CSMD1: variants seen among roughly 807,000 people sequenced by gnomAD.
The protein encoded by CSMD1 is CUB and Sushi multiple domains 1, also known as CUB and sushi domain-containing protein 1.
Under a neutral mutation model 417.5 loss-of-function variants are expected in CSMD1, and 213 were observed. The observed-to-expected ratio is 0.51, with a 90% CI of 0.46 to 0.57. The LOEUF (loss-of-function observed/expected upper bound fraction) is 0.57, where lower values mean the gene tolerates loss of function less well. Ranked by LOEUF, CSMD1 falls within the 20% of genes least tolerant of loss-of-function variation. The pLI is 0.00. For missense variants in CSMD1, 6,923 were observed against 4,529.7 expected, an observed-to-expected ratio of 1.53 and a Z score of -15.17; for synonymous variants, 2,862 against 1,736.8, an observed-to-expected ratio of 1.65 and a Z score of -16.11.
In CSMD1 at chr8:4,211,181, G is replaced by A. The variant is rs1039280277; in HGVS notation, c.416-179082C>T. On this transcript the variant is annotated intron_variant, in intron 3 of 69. Transcript: ENST00000635120. ...ATCCAGGAAAAACATCCTTGTACATGTATTTCAGGGAAAGTCATTTGCCTT... is the reference window on the plus strand; with the variant it reads ...ATCCAGGAAAAACATCCTTGTACATATATTTCAGGGAAAGTCATTTGCCTT... Among the ~76,000 whole-genome samples the A allele has an allele frequency of 6.0e-5, 9 of 149,948 alleles. No individual in the cohort carries two copies. In the South Asian group the frequency reaches 1.5e-3, roughly 24 times the overall value.
intron 5 of CSMD1, among the ~76,000 whole-genome samples, chr8:3,914,200 G>A (rs1018326151): frequency 3.3e-5 from 5 of 152,080 alleles, no homozygotes; most frequent in African/African-American, 9.7e-5. Context: ...CCCAAAAAGA[G>A]GTAAGTAACT....
chr8:3,531,926 T>A (rs1797998879), intron 10 of CSMD1, among the ~76,000 whole-genome samples: 1 of 152,130 alleles, frequency 6.6e-6, no homozygotes, highest in African/African-American at 2.4e-5. Flanking sequence ...ATGAGCAACA[T>A]GCAGTAGCTT....
rs191607708 is a variant in CSMD1 at position 3,202,998 on chromosome 8, C to T, written c.4985-1273G>A. ...CTTGCTCATACCATCCTCACCCACCCACCACCTCCCCAAGTTCATTAGATT... is the reference window on the plus strand; with the variant it reads ...CTTGCTCATACCATCCTCACCCACCTACCACCTCCCCAAGTTCATTAGATT... On this transcript the variant is annotated intron_variant, in intron 31 of 69. Coordinates refer to ENST00000635120, the MANE Select transcript of CSMD1 (RefSeq NM_033225.6). 3.3e-5 allele frequency among the ~76,000 whole-genome samples: 5 copies of T among 152,210 alleles called. No individual in the cohort carries two copies. In the East Asian group the frequency reaches 5.8e-4, roughly 18 times the overall value.
At chr8:3,774,993 C>T (rs1384044697) in intron 5 of CSMD1, among the ~76,000 whole-genome samples, 2 of 151,976 alleles carry the variant, frequency 1.3e-5, no homozygotes, top group East Asian at 1.9e-4. Context: ...AGGGGCGATT[C>T]CCACTCCCGG....
chr8:4,600,845 C>T (rs1443347364), intron 2 of CSMD1, among the ~76,000 whole-genome samples: 2 of 152,014 alleles, frequency 1.3e-5, no homozygotes, highest in Admixed American at 6.6e-5. Flanking sequence ...AGAAGATATT[C>T]TGACTTTAAA....
intron 62 of CSMD1, among the ~76,000 whole-genome samples, chr8:2,960,235 G>T (rs1803339539): frequency 6.6e-6 from 1 of 152,116 alleles, no homozygotes; most frequent in South Asian, 2.1e-4. Flanking sequence ...CAATATTTGA[G>T]ACATAATAGA....
chr8:4,807,152 G>A (rs1320428644), intron 1 of CSMD1, among the ~76,000 whole-genome samples: 1 of 152,078 alleles, frequency 6.6e-6, no homozygotes. Flanking sequence ...GAGTAATTTA[G>A]GACTGTGATT....
intron 5 of CSMD1, among the ~76,000 whole-genome samples, chr8:3,902,576 G>A (rs1234808272): frequency 1.3e-5 from 2 of 152,060 alleles, no homozygotes; most frequent in East Asian, 3.9e-4. Flanking sequence ...TCAGTTCACA[G>A]TAGGGTTCAC....
At chr8:4,377,031 C>T (rs1802793666) in intron 3 of CSMD1, among the ~76,000 whole-genome samples, 1 of 152,198 alleles carries the variant, frequency 6.6e-6, no homozygotes, top group African/African-American at 2.4e-5. Context: ...GTGGGATGGC[C>T]TCGTCGGTTT....
chr8:4,912,135 A>AAAAAGAAAAAAAAG (rs1554518067), intron 1 of CSMD1, among the ~76,000 whole-genome samples: 21 of 115,610 alleles, frequency 1.8e-4, no homozygotes, highest in Admixed American at 9.3e-5. Flanking sequence ...AAAAAAAAAA[A>AAAAAGAAAAAAAAG]AAAAAAGAAA....
At chr8:3,808,203 C>T (rs772302860) in intron 5 of CSMD1, among the ~76,000 whole-genome samples, 16 of 152,122 alleles carry the variant, frequency 1.1e-4, no homozygotes, top group Non-Finnish European at 1.8e-4. Flanking sequence ...GCAAAAACAT[C>T]TGTGATCTAA....
At chr8:3,798,411 G>A (rs1220725602) in intron 5 of CSMD1, among the ~76,000 whole-genome samples, 1 of 152,046 alleles carries the variant, frequency 6.6e-6, no homozygotes, top group African/African-American at 2.4e-5. Flanking sequence ...AAGTGTGAGT[G>A]TGAGGTAAGA....
intron 3 of CSMD1, among the ~76,000 whole-genome samples, chr8:4,290,536 G>T (rs954285275): frequency 6.6e-6 from 1 of 152,072 alleles, no homozygotes; most frequent in African/African-American, 2.4e-5. Context: ...AGTTATGGGG[G>T]AAAACAAAGA....
intron 23 of CSMD1, among the ~76,000 whole-genome samples, chr8:3,314,372 A>G (rs1046967075): frequency 2.6e-5 from 4 of 152,196 alleles, no homozygotes; most frequent in Non-Finnish European, 5.9e-5. Flanking sequence ...GATCAATTTT[A>G]AGCCTGCTGA....
chr8:4,081,641 A>G (rs1169668177), intron 3 of CSMD1, among the ~76,000 whole-genome samples: 3 of 152,212 alleles, frequency 2.0e-5, no homozygotes, highest in South Asian at 4.1e-4. Flanking sequence ...GATATGGACT[A>G]AAATAGATAC....
intron 10 of CSMD1, among the ~76,000 whole-genome samples, chr8:3,511,767 CATAACA>C: frequency 7.3e-5 from 1 of 13,676 alleles, no homozygotes; most frequent in Non-Finnish European, 2.0e-4. Context: ...AAAAAAATAA[CATAACA>C]TAACATAACA....
chr8:3,602,887 T>A (rs1801429990), intron 8 of CSMD1, among the ~76,000 whole-genome samples: 2 of 152,188 alleles, frequency 1.3e-5, no homozygotes, highest in African/African-American at 4.8e-5. Context: ...AGCTAACAAA[T>A]TAATATAGGC....
chr8:3,761,368 G>C (rs1437977984), intron 5 of CSMD1, among the ~76,000 whole-genome samples: 3 of 151,746 alleles, frequency 2.0e-5, no homozygotes, highest in Non-Finnish European at 2.9e-5. Flanking sequence ...CAAAAGTTTT[G>C]TGCACACGTA....
chr8:3,248,381 A>G (rs1038840592), intron 26 of CSMD1, among the ~76,000 whole-genome samples: 4 of 152,180 alleles, frequency 2.6e-5, no homozygotes, highest in Non-Finnish European at 5.9e-5. Context: ...AAATTACATA[A>G]TCTTCCCACC....
Sources: gnomAD v4.1 joint callset for allele counts (sites outside exome capture counted in the v4.1 genomes callset) on GRCh38, gnomAD v4.1.1 for gene constraint, MANE v1.5 for transcripts, NCBI Gene and HGNC (gene_info 2026-07-23, HGNC 2026-07-21) for gene names.